RIT2: variants seen among roughly 807,000 people sequenced by gnomAD.
RIT2 encodes the protein GTP-binding protein Rit2.
RIT2 carries 24 observed loss-of-function variants against 23.7 expected under a neutral mutation model. The ratio of observed to expected loss-of-function variants is 1.01; its 90% CI spans 0.73 to 1.43. RIT2 has a LOEUF of 1.43. RIT2 is among the 40% of genes most tolerant of loss of function. The pLI is 0.00. For synonymous variants in RIT2, 107 were observed against 91.1 expected (o/e 1.17, Z -0.99); for missense variants, 236 against 266.9 (o/e 0.88, Z 0.81).
intron 4 of RIT2, among the ~76,000 whole-genome samples, chr18:42,829,686 C>A (rs974751255): frequency 6.6e-6 from 1 of 151,946 alleles, no homozygotes; most frequent in Non-Finnish European, 1.5e-5. Context: ...CTCAAAGAAA[C>A]TTAAGGAAAA....
chr18:42,862,817 T>A (rs1253023320), intron 4 of RIT2, among the ~76,000 whole-genome samples: 1 of 152,214 alleles, frequency 6.6e-6, no homozygotes. Context: ...TTCATTGCAA[T>A]TCAACTCTCT....
At chr18:42,887,539 T>C (rs1325877557) in intron 4 of RIT2, among the ~76,000 whole-genome samples, 1 of 152,178 alleles carries the variant, frequency 6.6e-6, no homozygotes, top group African/African-American at 2.4e-5. Flanking sequence ...GAATTCTCCT[T>C]CATTACTGGT....
At chr18:42,924,721 G>A (rs984859640) in intron 3 of RIT2, among the ~76,000 whole-genome samples, 1 of 152,032 alleles carries the variant, frequency 6.6e-6, no homozygotes, top group African/African-American at 2.4e-5. Flanking sequence ...TTTTAACTGT[G>A]TTTGAAGAAT....
At chr18:42,995,796 CA>C (rs1005906573) in intron 2 of RIT2, among the ~76,000 whole-genome samples, 25 of 152,306 alleles carry the variant, frequency 1.6e-4, no homozygotes, top group African/African-American at 5.3e-4. Context: ...GCCCCAGTCT[CA>C]CCAGACCAAC....
chr18:42,817,173 G>C (rs1296127591), intron 4 of RIT2, among the ~76,000 whole-genome samples: 1 of 152,082 alleles, frequency 6.6e-6, no homozygotes, highest in Non-Finnish European at 1.5e-5. Flanking sequence ...AAACAGATCT[G>C]AATTCACTTT....
intron 2 of RIT2, among the ~76,000 whole-genome samples, chr18:42,980,822 G>A (rs762109425): frequency 6.6e-6 from 1 of 152,072 alleles, no homozygotes; most frequent in Non-Finnish European, 1.5e-5. Context: ...TCAAGGACAA[G>A]CAGATGGAGA....
At chr18:42,987,390 T>C (rs946035709) in intron 2 of RIT2, among the ~76,000 whole-genome samples, 7 of 152,186 alleles carry the variant, frequency 4.6e-5, no homozygotes, top group African/African-American at 1.7e-4. Flanking sequence ...ACCCTGCTGA[T>C]TTCAGAAGCA....
intron 3 of RIT2, among the ~76,000 whole-genome samples, chr18:42,940,498 C>G (rs1275958789): frequency 2.6e-5 from 4 of 151,536 alleles, no homozygotes; most frequent in Admixed American, 2.0e-4. Context: ...GCCTATCACA[C>G]CGTATGGCTG....
chr18:42,898,626 C>A (rs1459407928), intron 4 of RIT2, among the ~76,000 whole-genome samples: 1 of 152,152 alleles, frequency 6.6e-6, no homozygotes, highest in East Asian at 1.9e-4. Flanking sequence ...ATAGAGTCCA[C>A]ATTCAAATTT....
chr18:42,955,486 T>C (rs1909950254), intron 3 of RIT2, among the ~76,000 whole-genome samples: 2 of 152,192 alleles, frequency 1.3e-5, no homozygotes, highest in South Asian at 4.1e-4. Flanking sequence ...AAGAGGGTAC[T>C]GTCAGGTTAG....
chr18:43,018,844 C>T (rs1040069231), intron 2 of RIT2, among the ~76,000 whole-genome samples: 1 of 151,718 alleles, frequency 6.6e-6, no homozygotes, highest in African/African-American at 2.4e-5. Flanking sequence ...TATTTACCAT[C>T]ATGAAAATAC....
intron 4 of RIT2, among the ~76,000 whole-genome samples, chr18:42,815,484 A>G (rs772427332): frequency 2.4e-4 from 36 of 152,346 alleles, no homozygotes; most frequent in Non-Finnish European, 3.1e-4. Flanking sequence ...TTAAACGACC[A>G]AACTTAAGAA....
At chr18:42,947,083 A>G (rs958775743) in intron 3 of RIT2, among the ~76,000 whole-genome samples, 1 of 152,120 alleles carries the variant, frequency 6.6e-6, no homozygotes, top group Non-Finnish European at 1.5e-5. Context: ...AGAATTTCCA[A>G]CTAAGCAATT....
At chr18:43,074,925 G>GA (rs1259428403) in intron 1 of RIT2, among the ~76,000 whole-genome samples, 1 of 152,138 alleles carries the variant, frequency 6.6e-6, no homozygotes, top group East Asian at 1.9e-4. Flanking sequence ...AGAGCATCGG[G>GA]AAAAATAGCT....
chr18:42,981,523 A>T (rs575995076), intron 2 of RIT2, among the ~76,000 whole-genome samples: 1 of 152,178 alleles, frequency 6.6e-6, no homozygotes, highest in African/African-American at 2.4e-5. Context: ...GATAAAATCG[A>T]TGACATTTTT....
intron 2 of RIT2, among the ~76,000 whole-genome samples, chr18:42,995,234 T>C (rs1182843388): frequency 6.6e-6 from 1 of 152,148 alleles, no homozygotes; most frequent in Non-Finnish European, 1.5e-5. Context: ...CTTCCCAGTG[T>C]TCCATCTGCT....
intron 4 of RIT2, among the ~76,000 whole-genome samples, chr18:42,815,558 C>T (rs1296268227): frequency 1.3e-5 from 2 of 152,132 alleles, no homozygotes; most frequent in Non-Finnish European, 2.9e-5. Flanking sequence ...GGGGGAATAA[C>T]TGAGGAACAT....
At chr18:43,053,334 G>C (rs1485849878) in intron 1 of RIT2, among the ~76,000 whole-genome samples, 2 of 151,922 alleles carry the variant, frequency 1.3e-5, no homozygotes, top group Non-Finnish European at 2.9e-5. Flanking sequence ...GGTATAATAA[G>C]ACATGCAACT....
chr18:42,837,292 A>C (rs979214416), intron 4 of RIT2, among the ~76,000 whole-genome samples: 1 of 147,848 alleles, frequency 6.8e-6, no homozygotes, highest in Non-Finnish European at 1.5e-5. Context: ...CTCAGCATCC[A>C]GAGTAGCTGG....
Sources: allele counts gnomAD v4.1 joint callset (sites outside exome capture counted in the v4.1 genomes callset), GRCh38; gene constraint gnomAD v4.1.1; transcripts MANE v1.5; gene names NCBI Gene and HGNC (gene_info 2026-07-23, HGNC 2026-07-21).